The following FBXL18 variants were observed in gnomAD, a reference collection of about 807,000 sequenced individuals.
The protein encoded by FBXL18 is F-box and leucine rich repeat protein 18, also known as F-box/LRR-repeat protein 18.
Under a neutral mutation model 46.0 loss-of-function variants are expected in FBXL18, and 36 were observed. That is an observed-to-expected ratio of 0.78 (90% confidence interval 0.60 to 1.03). The LOEUF (loss-of-function observed/expected upper bound fraction) is 1.03, where lower values mean the gene tolerates loss of function less well. FBXL18 is among the 50% of genes least tolerant of loss of function. The probability of loss-of-function intolerance (pLI) is 0.00; values close to 1 mark genes in which losing one functional copy is unlikely to be tolerated. For missense variants in FBXL18, 977 were observed against 1,004.1 expected (o/e 0.97, Z 0.36); for synonymous variants, 557 against 465.3 (o/e 1.20, Z -2.54).
chr7:5,492,411 G>A (rs1289291806), intron 3 of FBXL18, among the ~76,000 whole-genome samples: 1 of 151,514 alleles, frequency 6.6e-6, no homozygotes, highest in East Asian at 2.0e-4. Flanking sequence ...AATCAAGAGG[G>A]AGCAGAGAGG....
At chr7:5,472,544 A>C (rs941567142), downstream of FBXL18, among the ~76,000 whole-genome samples, 1 of 151,724 alleles carries the variant, frequency 6.6e-6, no homozygotes, top group African/African-American at 2.4e-5. Context: ...TGGAGAGACC[A>C]CATGGAGGGG....
chr7:5,487,178 TGTCTGCAG>T (rs1454172544), intron 4 of FBXL18, among the ~76,000 whole-genome samples: 1 of 152,212 alleles, frequency 6.6e-6, no homozygotes, highest in Non-Finnish European at 1.5e-5. Context: ...GGTCAGACCC[TGTCTGCAG>T]GTCAGCTGGG....
At position 5,501,675 on chromosome 7, in the gene FBXL18, C is replaced by G; in HGVS notation, c.594G>C (p.Leu198=). 1 of 1,608,476 alleles carries G rather than the reference C, an allele frequency of 6.2e-7. No individual in the cohort carries two copies. Reference sequence around the variant, plus strand: ...TGCGGTCCAGAATCTCGAAGTAGAGCAGCAGCTTCTCTAGGCTGGTGCAGC... The same window carrying G: ...TGCGGTCCAGAATCTCGAAGTAGAGGAGCAGCTTCTCTAGGCTGGTGCAGC... ...VPCCTSLEKL[L]LYFEILDRTR... Residue 198 remains leucine, a synonymous_variant, in exon 3 of 5, where the codon CTG becomes CTC. Transcript: ENST00000382368.
downstream of FBXL18, among the ~76,000 whole-genome samples, chr7:5,475,058 C>T (rs1447170730): frequency 1.3e-5 from 2 of 149,988 alleles, no homozygotes; most frequent in Non-Finnish European, 3.0e-5. This position sits in a 1 kb window ranked among gnomAD's most constrained non-coding sequence, Gnocchi z 4.2. Context: ...GTGGCTCACG[C>T]CTGTCATCCC....
intron 3 of FBXL18, among the ~76,000 whole-genome samples, chr7:5,493,249 C>T (rs540005506): frequency 2.4e-4 from 37 of 152,274 alleles, no homozygotes; most frequent in Middle Eastern, 3.4e-3. Flanking sequence ...GTGGGAGGAT[C>T]GCTTGAGCCC....
At chr7:5,471,634 TCTC>T (rs1783429522), downstream of FBXL18, among the ~76,000 whole-genome samples, 1 of 152,152 alleles carries the variant, frequency 6.6e-6, no homozygotes, top group Non-Finnish European at 1.5e-5. Flanking sequence ...ATGGTCTCGA[TCTC>T]CTGACCTCAT....
rs770005223 is a variant in FBXL18, at chr7:5,502,053, G to A, written c.238-22C>T. On this transcript the variant is annotated intron_variant, in intron 2 of 4. Transcript: ENST00000382368. The stretch of plus-strand genomic sequence containing the variant: ...TCGCCTGCGGGACAGAGGCAGGGTG[G>A]GGAGAGGAAGGAAAGGGCTGAAGGC... 4.6e-6 allele frequency: 7 copies of A among 1,529,218 alleles called. No homozygotes were observed. The East Asian group carries it at 7.1e-5, about 15-fold the overall frequency. The allele number at this position is 1,529,218 out of a possible 1,614,324, so 94.7% of individuals were successfully genotyped here. A position where few individuals can be genotyped will look rare whatever the true frequency, so the allele number is the denominator to read the frequency against.
chr7:5,505,665 C>A, intron 1 of FBXL18, 35 bp from the exon 2 acceptor site: 2 of 1,583,348 alleles, frequency 1.3e-6, no homozygotes, highest in Non-Finnish European at 1.7e-6. Context: ...CCACAGGATC[C>A]CCAAGGATGG....
Position 5,505,573 on chromosome 7 carries a change from C to A in FBXL18, c.76G>T (p.Val26Phe). ...TCATCAGAGAACCCTAGGAGGTGGACCCCGTCTGCCATCCCGGCTGCTGCA... is the reference window on the plus strand; with the variant it reads ...TCATCAGAGAACCCTAGGAGGTGGAACCCGTCTGCCATCCCGGCTGCTGCA... Reference protein sequence around the residue: ...HPAAAGMADGVHLLGFSDEIL... With the variant: ...HPAAAGMADGFHLLGFSDEIL... Residue 26 changes from valine to phenylalanine, a missense_variant, in exon 2 of 5, where the codon GTC becomes TTC. Transcript: ENST00000382368. 1.2e-6 allele frequency: 2 copies of A among 1,614,002 alleles called. No homozygotes were observed. Among genetic ancestry groups the A allele is most frequent in the South Asian group, 1.1e-5 (1 of 91,076 alleles).
chr7:5,484,194 G>A (rs1362209291), intron 4 of FBXL18, among the ~76,000 whole-genome samples: 7 of 152,202 alleles, frequency 4.6e-5, no homozygotes, highest in South Asian at 2.1e-4. Flanking sequence ...TCGGCTGGCC[G>A]TGGTGGCTCA....
chr7:5,507,695 A>G (rs555944197), intron 1 of FBXL18, among the ~76,000 whole-genome samples: 3 of 150,024 alleles, frequency 2.0e-5, no homozygotes, highest in East Asian at 2.0e-4. Flanking sequence ...TTACCGGGGC[A>G]TGGTGGCAGG....
In FBXL18 at chr7:5,501,447, C is replaced by T. The variant is rs1489828334; in HGVS notation, c.822G>A (p.Ala274=). 2 of 1,611,918 alleles carry T rather than the reference C, an allele frequency of 1.2e-6. No homozygotes were observed. Among genetic ancestry groups the T allele is most frequent in the Admixed American group, 3.3e-5 (2 of 59,850 alleles). ...GGAGGTTCTTGGTGGCGCCGCTCTC[C>T]GCGAAGCTGCCAGGGACGGAGATGA... ...AFLISVPGSF[A]ESGATKNLLD... Residue 274 remains alanine (A), a synonymous_variant, in exon 3 of 5, where the codon GCG becomes GCA. Transcript: ENST00000382368.
chr7:5,488,618 C>G (rs188346244), intron 4 of FBXL18, among the ~76,000 whole-genome samples: 228 of 152,332 alleles, frequency 1.5e-3, no homozygotes, highest in African/African-American at 5.4e-3. Context: ...TCCCAAGTCC[C>G]TTCAACAAAA....
chr7:5,466,674 G>A (rs79346679), intron 4 of FBXL18, among the ~76,000 whole-genome samples: 6,505 of 152,270 alleles, frequency 0.043, 180 homozygotes, highest in Middle Eastern at 0.12. Context: ...CTGGGGACTG[G>A]GGCATGGACA....
intron 4 of FBXL18, chr7:5,489,644 T>C (rs1404729347): frequency 4.6e-6 from 1 of 216,118 alleles, no homozygotes; most frequent in Non-Finnish European, 9.4e-6. Flanking sequence ...CCAGGTGTGG[T>C]GGCGGGCGCC....
In FBXL18 at chr7:5,481,704, A is replaced by G. The variant is rs1347708935; in HGVS notation, c.*71T>C. 4 of 1,546,652 alleles carry G rather than the reference A, an allele frequency of 2.6e-6. No individual in the cohort carries two copies. The East Asian group carries it at 9.0e-5, about 35-fold the overall frequency. ...GCCCCCTTCCTCTTGTGACAAACCA[A>G]GGGTCCCTGGCGTCCCAGGCTCCTG... On this transcript the variant is annotated 3_prime_UTR_variant, in exon 5 of 5. Coordinates refer to ENST00000382368, the MANE Select transcript of FBXL18 (RefSeq NM_024963.6).
At position 5,501,303 on chromosome 7, in the gene FBXL18, G is replaced by A. The variant is rs552486814; in HGVS notation, c.966C>T (p.Ser322=). The change falls in exon 3 of 5, where the codon AGC becomes AGT. Residue 322 remains serine, a synonymous_variant. Transcript: ENST00000382368. Reference sequence around the variant, plus strand: ...GATGGCCGCCTGACAGGGTACAGCGGCTGAAACTGAAGTAGAACGGGTTGT... The same window carrying A: ...GATGGCCGCCTGACAGGGTACAGCGACTGAAACTGAAGTAGAACGGGTTGT... ...KFNNPFYFSF[S]RCTLSGGHLI... is the part of the protein sequence containing the mutation. 8 of 1,614,168 alleles carry A rather than the reference G, an allele frequency of 5.0e-6. No individual in the cohort carries two copies. Among genetic ancestry groups the A allele is most frequent in the East Asian group, 2.2e-5 (1 of 44,892 alleles).
intron 4 of FBXL18, among the ~76,000 whole-genome samples, chr7:5,488,776 C>T (rs558294413): frequency 1.3e-5 from 2 of 152,296 alleles, no homozygotes; most frequent in African/African-American, 4.8e-5. Context: ...AGAGCTAGGG[C>T]GGAGCTGCCT....
intron 1 of FBXL18, among the ~76,000 whole-genome samples, chr7:5,509,855 C>A (rs987000138): frequency 2.0e-5 from 3 of 152,032 alleles, no homozygotes; most frequent in Admixed American, 1.3e-4. Context: ...GGGCCCCCAC[C>A]CCCACTCTCC....
Sources: gnomAD v4.1 joint callset for allele counts (sites outside exome capture counted in the v4.1 genomes callset) on GRCh38, gnomAD v4.1.1 for gene constraint, Gnocchi (gnomAD v3.1) non-coding constraint, MANE v1.5 for transcripts, NCBI Gene and HGNC (gene_info 2026-07-23, HGNC 2026-07-21) for gene names.